Variants in MFNG observed in about 807,000 individuals in gnomAD.
MFNG encodes MFNG O-fucosylpeptide 3-beta-N-acetylglucosaminyltransferase, also known as beta-1,3-N-acetylglucosaminyltransferase manic fringe.
MFNG carries 24 observed loss-of-function variants against 34.2 expected under a neutral mutation model. The ratio of observed to expected loss-of-function variants is 0.70; its 90% CI spans 0.51 to 0.99. MFNG has a LOEUF of 0.99. MFNG is among the 50% of genes least tolerant of loss of function. The pLI is 0.00. For missense variants in MFNG, 383 were observed against 424.0 expected, an observed-to-expected ratio of 0.90 and a Z score of 0.85; for synonymous variants, 158 against 179.2, an observed-to-expected ratio of 0.88 and a Z score of 0.94.
chr22:37,470,325 T>C (rs1921751977), intron 7 of MFNG, among the ~76,000 whole-genome samples: 1 of 152,100 alleles, frequency 6.6e-6, no homozygotes, highest in Non-Finnish European at 1.5e-5. Context: ...CACCCCCACT[T>C]GAGAACCGCT....
intron 6 of MFNG, among the ~76,000 whole-genome samples, chr22:37,472,931 G>A (rs952596033): frequency 3.3e-5 from 5 of 152,256 alleles, no homozygotes; most frequent in African/African-American, 1.2e-4. Context: ...AGGCAGTGAC[G>A]ACATGGATCA....
chr22:37,479,519 C>A, intron 3 of MFNG, 21 bp from the exon 4 acceptor site: 1 of 1,607,896 alleles, frequency 6.2e-7, no homozygotes. Flanking sequence ...GAAACGGGGA[C>A]AGTGAACTTG....
chr22:37,484,092 G>A (rs1437818760), intron 1 of MFNG: 1 of 152,192 alleles, frequency 6.6e-6, no homozygotes, highest in Non-Finnish European at 1.5e-5. Context: ...GGGAGTGGTG[G>A]GGCTGCTGCC....
At chr22:37,476,121 A>T (rs1408943108) in intron 5 of MFNG, among the ~76,000 whole-genome samples, 1 of 152,066 alleles carries the variant, frequency 6.6e-6, no homozygotes, top group Non-Finnish European at 1.5e-5. Flanking sequence ...GATCCTCTTG[A>T]TGGAGCACAG....
chr22:37,474,165 G>A (rs373972133), intron 6 of MFNG, among the ~76,000 whole-genome samples: 3 of 152,316 alleles, frequency 2.0e-5, no homozygotes, highest in South Asian at 4.1e-4. Context: ...ATGTGGGGAG[G>A]ATGGAAGACT....
Position 37,479,461 on chromosome 22 carries a change from G to A in MFNG, c.445C>T (p.Pro149Ser), listed in dbSNP as rs755797620. 3.7e-6 allele frequency: 6 copies of A among 1,610,958 alleles called. No homozygotes were observed. Among genetic ancestry groups the A allele is most frequent in the African/African-American group, 1.3e-5 (1 of 74,714 alleles). ...CHVDDDNYVN[P>S]RALLQLLRAF... is the part of the protein sequence containing the mutation. ...CTCAGAAGCTGCAGCAGCGCCCTTG[G>A]GTTCACATAGTTGTCATCGTCCACA... The change falls in exon 4 of 8, where the codon CCA becomes TCA. Residue 149 changes from proline (P) to serine (S), a missense_variant. Coordinates refer to ENST00000356998, the MANE Select transcript of MFNG (RefSeq NM_002405.4).
rs1230857663 is a variant in MFNG at position 37,479,470 on chromosome 22, A to C, written c.436T>G (p.Tyr146Asp). The C allele has an allele frequency of 6.2e-7, 1 of 1,610,892 alleles. No homozygotes were observed. Among genetic ancestry groups the C allele is most frequent in the Admixed American group, 1.7e-5 (1 of 59,556 alleles). Reference protein sequence around the residue: ...RWFCHVDDDNYVNPRALLQLL... With the variant: ...RWFCHVDDDNDVNPRALLQLL... ...TGCAGCAGCGCCCTTGGGTTCACAT[A>C]GTTGTCATCGTCCACATGGCAGAAC... Residue 146 changes from tyrosine (Y) to aspartate (D), a missense_variant, in exon 4 of 8, where the codon TAT becomes GAT. Tyr to Asp is a radical substitution (Grantham distance 160, BLOSUM62 -3). Transcript: ENST00000356998.
rs765009207 is a variant in MFNG at position 37,472,531 on chromosome 22, G to A, written c.814-3C>T. 1.9e-6 allele frequency: 3 copies of A among 1,579,436 alleles called. No homozygotes were observed. Among genetic ancestry groups the A allele is most frequent in the African/African-American group, 2.8e-5 (2 of 72,150 alleles). ...AAGACACCGTAGCTGAGGGTGACCT[G>A]GGCAGGGAGATAGAAGAGTGTTGGG... On this transcript the variant is annotated splice_region_variant and splice_polypyrimidine_tract_variant and intron_variant, in intron 6 of 7. Transcript: ENST00000356998.
intron 7 of MFNG, 60 bp downstream of exon 7, chr22:37,472,383 T>G: frequency 7.6e-7 from 1 of 1,309,324 alleles, no homozygotes; most frequent in Non-Finnish European, 1.1e-6. Flanking sequence ...CTCCCCCATG[T>G]TTGGATGCCT....
chr22:37,470,369 T>A (rs1921753534), intron 7 of MFNG, among the ~76,000 whole-genome samples: 1 of 152,128 alleles, frequency 6.6e-6, no homozygotes, highest in Non-Finnish European at 1.5e-5. Flanking sequence ...AGAGAAGCCA[T>A]AAAGAGACCT....
chr22:37,485,530 G>A lies in MFNG; in HGVS notation c.255+393C>T, dbSNP rs542412580. On this transcript the variant is annotated intron_variant, in intron 1 of 7. Coordinates refer to ENST00000356998, the MANE Select transcript of MFNG (RefSeq NM_002405.4). This position sits in a 1 kb window ranked among gnomAD's most constrained non-coding sequence, Gnocchi z 5.3. ...CGGGTCTGGGTCAGGACCTCTTGGA[G>A]GCCTCCACCCCAGCTGCCCAACACC... 1.3e-5 allele frequency among the ~76,000 whole-genome samples: 2 copies of A among 152,310 alleles called. No individual in the cohort carries two copies. Among genetic ancestry groups the A allele is most frequent in the South Asian group, 4.1e-4 (2 of 4,826 alleles).
chr22:37,483,240 C>A lies in MFNG; in HGVS notation c.256-2471G>T, dbSNP rs1321400360. Among the ~76,000 whole-genome samples, 1 of 152,158 alleles carries A rather than the reference C, an allele frequency of 6.6e-6. No homozygotes were observed. Among genetic ancestry groups the A allele is most frequent in the African/African-American group, 2.4e-5 (1 of 41,438 alleles). On this transcript the variant is annotated intron_variant, in intron 1 of 7. Coordinates refer to ENST00000356998, the MANE Select transcript of MFNG (RefSeq NM_002405.4). The surrounding 1 kb of genome is among the most constrained non-coding windows in gnomAD (Gnocchi z 4.5). The stretch of plus-strand genomic sequence containing the variant: ...TCGTCTGGGACGCTGCTCTTCCCTC[C>A]GGCCCACCCGGCCACCTAGTCCCCG...
In MFNG at chr22:37,473,661, T is replaced by C. The variant is rs73884053; in HGVS notation, c.813+851A>G. ...GGGTCACCTGACCCAAGCCCAGTCA[T>C]CAAATCAATGAACGCCAGCCCGGGG... On this transcript the variant is annotated intron_variant, in intron 6 of 7. Transcript: ENST00000356998. Among the ~76,000 whole-genome samples the C allele has an allele frequency of 6.1e-3, 926 of 152,130 alleles. 14 individuals are homozygous for C. The highest frequency in any genetic ancestry group is 0.021 in the African/African-American group (859 of 41,464).
At chr22:37,472,731 T>C (rs893978209) in intron 6 of MFNG, 10 of 493,684 alleles carry the variant, frequency 2.0e-5, no homozygotes, top group Non-Finnish European at 3.5e-5. Context: ...CTTAATCCCA[T>C]TTGCTCCCTC....
chr22:37,472,527 A>C lies in MFNG; in HGVS notation c.815T>G (p.Val272Gly). 1.3e-6 allele frequency: 2 copies of C among 1,580,736 alleles called. No individual in the cohort carries two copies. Among genetic ancestry groups the C allele is most frequent in the Non-Finnish European group, 1.7e-6 (2 of 1,166,204 alleles). The change falls in exon 7 of 8, where the codon GTC (valine) becomes GGC (glycine). Residue 272 changes from valine (V) to glycine (G), a missense_variant and splice_region_variant. Coordinates refer to ENST00000356998, the MANE Select transcript of MFNG (RefSeq NM_002405.4). ...LLRTAQLPEQ[V>G]TLSYGVFEGK... ...CTCAAAGACACCGTAGCTGAGGGTG[A>C]CCTGGGCAGGGAGATAGAAGAGTGT...
rs755797620 is a variant in MFNG at position 37,479,461 on chromosome 22, G to C, written c.445C>G (p.Pro149Ala). The C allele has an allele frequency of 6.2e-7, 1 of 1,611,076 alleles. No individual in the cohort carries two copies. The highest frequency in any genetic ancestry group is 1.1e-5 in the South Asian group (1 of 90,598). ...CTCAGAAGCTGCAGCAGCGCCCTTGGGTTCACATAGTTGTCATCGTCCACA... is the reference window on the plus strand; with the variant it reads ...CTCAGAAGCTGCAGCAGCGCCCTTGCGTTCACATAGTTGTCATCGTCCACA... The part of the protein sequence containing the change: ...CHVDDDNYVN[P>A]RALLQLLRAF... The change falls in exon 4 of 8, where the codon CCA (proline) becomes GCA (alanine). Residue 149 changes from proline (P) to alanine (A), a missense_variant. By Grantham distance (27) the Pro-to-Ala change is conservative. Transcript: ENST00000356998.
intron 4 of MFNG, among the ~76,000 whole-genome samples, chr22:37,477,857 G>C (rs1379121147): frequency 1.3e-5 from 2 of 152,200 alleles, no homozygotes; most frequent in Admixed American, 6.5e-5. Flanking sequence ...ACCACTCTTT[G>C]AGTAGGGGCT....
At chr22:37,471,721 T>G (rs1392738663) in intron 7 of MFNG, among the ~76,000 whole-genome samples, 1 of 150,778 alleles carries the variant, frequency 6.6e-6, no homozygotes, top group Non-Finnish European at 1.5e-5. Context: ...ATCCCAGCTA[T>G]TCGGGAGGCT....
At position 37,479,565 on chromosome 22, in the gene MFNG, CCA is replaced by C. The variant is rs1922197305; in HGVS notation, c.408-69_408-68del. On this transcript the variant is annotated intron_variant, in intron 3 of 7. Transcript: ENST00000356998. Reference sequence around the variant, plus strand: ...TCCAAGCCAGGGTCCCCAAGCACCCCCACAGTCGGTCAACAGTGACGGAATGG... The same window carrying C: ...TCCAAGCCAGGGTCCCCAAGCACCCCCAGTCGGTCAACAGTGACGGAATGG... 7 of 1,589,932 alleles carry C rather than the reference CCA, an allele frequency of 4.4e-6. No individual in the cohort carries two copies. In the South Asian group the frequency reaches 7.9e-5, roughly 18 times the overall value.
Sources: gnomAD v4.1 joint callset for allele counts (sites outside exome capture counted in the v4.1 genomes callset) on GRCh38, gnomAD v4.1.1 for gene constraint, Gnocchi (gnomAD v3.1) non-coding constraint, MANE v1.5 for transcripts, NCBI Gene and HGNC (gene_info 2026-07-23, HGNC 2026-07-21) for gene names.